Variants in TENM3 observed in about 807,000 individuals in gnomAD.
TENM3 encodes teneurin-3.
A neutral mutation model predicts 255.1 loss-of-function variants in TENM3; 63 were observed. The observed-to-expected ratio is 0.25, with a 90% confidence interval of 0.20 to 0.30. The LOEUF (loss-of-function observed/expected upper bound fraction) is 0.30. Among genes scored for constraint, TENM3 ranks in the 10% least tolerant of loss-of-function variants. The probability of loss-of-function intolerance (pLI) is 1.00; values close to 1 mark genes in which losing one functional copy is unlikely to be tolerated. For synonymous variants in TENM3, 1,306 were observed against 1,322.3 expected (o/e 0.99, Z 0.27); for missense variants, 2,929 against 3,461.1 (o/e 0.85, Z 3.86).
intron 1 of TENM3, among the ~76,000 whole-genome samples, chr4:182,281,769 A>C (rs1342174700): frequency 6.6e-6 from 1 of 152,080 alleles, no homozygotes; most frequent in African/African-American, 2.4e-5. Flanking sequence ...ACGAAGTCTC[A>C]CTGTTGCCCA....
chr4:182,753,385 C>A, intron 20 of TENM3, 65 bp from the exon 21 acceptor site: 3 of 1,375,120 alleles, frequency 2.2e-6, no homozygotes, highest in South Asian at 1.3e-5. Flanking sequence ...TAATAATGGG[C>A]CTAATAGTTA....
At chr4:182,760,386 A>C (rs1322966727) in intron 22 of TENM3, among the ~76,000 whole-genome samples, 1 of 152,198 alleles carries the variant, frequency 6.6e-6, no homozygotes. Flanking sequence ...AGAATACGTT[A>C]TTTAATAGTA....
chr4:181,931,882 T>C, the TENM3 span, among the ~76,000 whole-genome samples: 1 of 152,142 alleles, frequency 6.6e-6, no homozygotes, highest in African/African-American at 2.4e-5. Flanking sequence ...AACCATCTGA[T>C]CTTTGACAAA....
the TENM3 span, among the ~76,000 whole-genome samples, chr4:181,919,571 T>C: frequency 1.3e-5 from 2 of 152,086 alleles, no homozygotes; most frequent in African/African-American, 4.8e-5. Flanking sequence ...AACTACAGTT[T>C]GTTGAAAGTA....
At chr4:181,519,186 G>C in the TENM3 span, among the ~76,000 whole-genome samples, 1 of 152,180 alleles carries the variant, frequency 6.6e-6, no homozygotes, top group Non-Finnish European at 1.5e-5. Flanking sequence ...TATTGTACCA[G>C]CAGGATATGG....
At chr4:182,122,297 G>C in the TENM3 span, among the ~76,000 whole-genome samples, 5 of 152,116 alleles carry the variant, frequency 3.3e-5, no homozygotes, top group Non-Finnish European at 7.3e-5. Context: ...TTCTTAATTG[G>C]ATCTAGAATG....
chr4:182,429,475 CTTA>C (rs1262430908), intron 3 of TENM3, among the ~76,000 whole-genome samples: 1 of 152,080 alleles, frequency 6.6e-6, no homozygotes, highest in Admixed American at 6.5e-5. Context: ...TACTTAAGTA[CTTA>C]TTATTACTTA....
At chr4:182,762,609 A>G (rs1763297176) in intron 22 of TENM3, among the ~76,000 whole-genome samples, 1 of 152,040 alleles carries the variant, frequency 6.6e-6, no homozygotes, top group African/African-American at 2.4e-5. Flanking sequence ...AGCAGCTCTC[A>G]CTCCTGGATC....
chr4:182,364,048 T>G (rs1473411215), intron 3 of TENM3, among the ~76,000 whole-genome samples: 1 of 152,042 alleles, frequency 6.6e-6, no homozygotes, highest in African/African-American at 2.4e-5. Context: ...TGAACCAAAT[T>G]ATTTAAATGA....
At chr4:182,027,589 G>A in the TENM3 span, among the ~76,000 whole-genome samples, 3 of 148,284 alleles carry the variant, frequency 2.0e-5, no homozygotes, top group African/African-American at 7.5e-5. Flanking sequence ...TTTCTATTCA[G>A]TATAATACTC....
the TENM3 span, among the ~76,000 whole-genome samples, chr4:181,561,220 T>C: frequency 3.9e-5 from 6 of 152,170 alleles, no homozygotes; most frequent in Non-Finnish European, 5.9e-5. Flanking sequence ...TCCCAAAGTG[T>C]TGGGATTACA....
chr4:182,252,198 C>A (rs910645699), intron 1 of TENM3, among the ~76,000 whole-genome samples: 42 of 151,172 alleles, frequency 2.8e-4, no homozygotes, highest in South Asian at 8.4e-4. Context: ...AAAAAAACAA[C>A]AAAAAAATGT....
At chr4:182,245,740 G>C (rs144130711) in intron 1 of TENM3, among the ~76,000 whole-genome samples, 51 of 152,326 alleles carry the variant, frequency 3.3e-4, no homozygotes, top group African/African-American at 1.1e-3. Context: ...CCACAGGAGA[G>C]AGAAAGGGAT....
intron 22 of TENM3, among the ~76,000 whole-genome samples, chr4:182,767,602 G>A (rs184962783): frequency 2.5e-4 from 38 of 151,776 alleles, no homozygotes; most frequent in African/African-American, 5.8e-4. Context: ...GGGTGTGTGT[G>A]TATATTACAT....
At chr4:181,521,921 C>G in the TENM3 span, among the ~76,000 whole-genome samples, 1 of 151,570 alleles carries the variant, frequency 6.6e-6, no homozygotes, top group African/African-American at 2.4e-5. Flanking sequence ...GCGGTGAAAC[C>G]CCGTCTCTAA....
rs1034108717 is a variant in TENM3 at position 182,792,063 on chromosome 4, A to G, written c.5602-211A>G. Among the ~76,000 whole-genome samples the G allele has an allele frequency of 1.3e-5, 2 of 152,180 alleles. No homozygotes were observed. Among genetic ancestry groups the G allele is most frequent in the African/African-American group, 4.8e-5 (2 of 41,444 alleles). ...TGTCGTGACAGGCAGCACATTGTGA[A>G]TCTCGAGCCACTAATTGCAGAACCC... On this transcript the variant is annotated intron_variant, in intron 25 of 27. Transcript: ENST00000511685. The surrounding 1 kb of genome is among the most constrained non-coding windows in gnomAD (Gnocchi z 6.3).
At chr4:181,769,295 G>A in the TENM3 span, among the ~76,000 whole-genome samples, 1 of 152,170 alleles carries the variant, frequency 6.6e-6, no homozygotes, top group African/African-American at 2.4e-5. Context: ...AACACTCTGA[G>A]CTTCAGCTTC....
chr4:182,506,379 T>C (rs142016981), intron 3 of TENM3, among the ~76,000 whole-genome samples: 1 of 152,194 alleles, frequency 6.6e-6, no homozygotes, highest in African/African-American at 2.4e-5. Flanking sequence ...AATTTCTCCA[T>C]CTGTAAAATG....
Position 182,217,009 on chromosome 4 carries a change from C to CTTTTTTTTTTTT in TENM3, c.-76+72275_-76+72286dup, listed in dbSNP as rs3071526. On this transcript the variant is annotated intron_variant, in intron 1 of 2. Transcript: ENST00000512480. The stretch of plus-strand genomic sequence containing the variant: ...TCTAAATTTCACCATCATTTTCTTT[C>CTTTTTTTTTTTT]TTTTTTTTTTTTTTTTTTTTTTTTT... Among the ~76,000 whole-genome samples, 54 of 67,528 alleles carry CTTTTTTTTTTTT rather than the reference C, an allele frequency of 8.0e-4. 1 individual carries two copies. Among genetic ancestry groups the CTTTTTTTTTTTT allele is most frequent in the African/African-American group, 1.3e-3 (24 of 18,344 alleles). 44.3% of individuals were successfully genotyped at this position (67,528 alleles called of 152,430 possible).
Sources: gnomAD v4.1 joint callset for allele counts (sites outside exome capture counted in the v4.1 genomes callset) on GRCh38, gnomAD v4.1.1 for gene constraint, Gnocchi (gnomAD v3.1) non-coding constraint, MANE v1.5 for transcripts, NCBI Gene and HGNC (gene_info 2026-07-23, HGNC 2026-07-21) for gene names.